NOX4: variants seen among roughly 807,000 people sequenced by gnomAD.
NOX4 encodes the protein NADPH oxidase 4, also known as kidney oxidase-1.
Under a neutral mutation model 87.6 loss-of-function variants are expected in NOX4, and 69 were observed. The ratio of observed to expected loss-of-function variants is 0.79; its 90% CI spans 0.65 to 0.96. The LOEUF is 0.96. Ranked by LOEUF, NOX4 falls within the 40% of genes least tolerant of loss-of-function variation. The probability of loss-of-function intolerance (pLI) is 0.00; values close to 1 mark genes in which losing one functional copy is unlikely to be tolerated. For synonymous variants in NOX4, 275 were observed against 238.2 expected, an observed-to-expected ratio of 1.15 and a Z score of -1.42; for missense variants, 680 against 681.5, an observed-to-expected ratio of 1.00 and a Z score of 0.02.
chr11:89,581,446 A>C, the NOX4 span, among the ~76,000 whole-genome samples: 5 of 152,274 alleles, frequency 3.3e-5, no homozygotes, highest in Admixed American at 3.3e-4. Context: ...AAGAACTATA[A>C]ATGCTTATTA....
At chr11:89,399,445 ATAT>A (rs1941691760) in intron 11 of NOX4, among the ~76,000 whole-genome samples, 13 of 133,118 alleles carry the variant, frequency 9.8e-5, no homozygotes, top group Non-Finnish European at 1.4e-4. Context: ...ATATATATAT[ATAT>A]ATATATATAT....
At chr11:89,473,012 T>A in intron 2 of NOX4, among the ~76,000 whole-genome samples, 1 of 152,178 alleles carries the variant, frequency 6.6e-6, no homozygotes, top group Non-Finnish European at 1.5e-5. Context: ...AGGTTTGACC[T>A]CTTTGGCTGA....
intron 6 of NOX4, among the ~76,000 whole-genome samples, chr11:89,439,758 G>C (rs992845925): frequency 5.3e-5 from 8 of 152,006 alleles, no homozygotes; most frequent in African/African-American, 1.7e-4. Flanking sequence ...TTAACATCAG[G>C]GGAAATTTTG....
the NOX4 span, among the ~76,000 whole-genome samples, chr11:89,561,019 TACATACACACACACATACAC>T: frequency 2.9e-5 from 3 of 102,234 alleles, no homozygotes; most frequent in African/African-American, 1.3e-4. Flanking sequence ...TATATATATA[TACATACACACACACATACAC>T]ATATATCATA....
At chr11:89,524,997 T>C in the NOX4 span, among the ~76,000 whole-genome samples, 1 of 152,140 alleles carries the variant, frequency 6.6e-6, no homozygotes, top group Admixed American at 6.5e-5. Context: ...ATTTCAAGAT[T>C]AATACAAACT....
chr11:89,455,481 T>A (rs999120208), intron 2 of NOX4, among the ~76,000 whole-genome samples: 18 of 152,058 alleles, frequency 1.2e-4, no homozygotes, highest in African/African-American at 4.1e-4. Context: ...ACAGTGGTAG[T>A]TTTCAGTAAA....
intron 11 of NOX4, among the ~76,000 whole-genome samples, chr11:89,373,799 T>C (rs954642035): frequency 3.3e-5 from 5 of 152,060 alleles, no homozygotes; most frequent in Non-Finnish European, 7.4e-5. Context: ...AGTTAAAATA[T>C]ATATAAGAAA....
chr11:89,487,458 T>C (rs946677801), intron 2 of NOX4, among the ~76,000 whole-genome samples: 3 of 152,050 alleles, frequency 2.0e-5, no homozygotes. Flanking sequence ...ACAACTTTGT[T>C]ATTACCTTAC....
chr11:89,439,765 T>G (rs1180322314), intron 6 of NOX4, among the ~76,000 whole-genome samples: 1 of 152,158 alleles, frequency 6.6e-6, no homozygotes, highest in Non-Finnish European at 1.5e-5. Flanking sequence ...CAGGGGAAAT[T>G]TTGAGATGTT....
At chr11:89,382,667 C>T (rs373412742) in intron 11 of NOX4, among the ~76,000 whole-genome samples, 1 of 152,032 alleles carries the variant, frequency 6.6e-6, no homozygotes, top group East Asian at 1.9e-4. Flanking sequence ...CCCTGCCAGG[C>T]TGAATCAGGC....
intron 6 of NOX4, among the ~76,000 whole-genome samples, chr11:89,438,547 A>G (rs1944219547): frequency 1.1e-5 from 1 of 89,418 alleles, no homozygotes; most frequent in South Asian, 3.4e-4. Flanking sequence ...ACTATATATA[A>G]TAATATACTA....
chr11:89,490,729 T>C (rs1451586382), intron 1 of NOX4, 176 bp from the exon 2 acceptor site: 2 of 704,006 alleles, frequency 2.8e-6, no homozygotes, highest in Non-Finnish European at 2.6e-6. Context: ...GGAAAACAAA[T>C]CTGACTTTAC....
At chr11:89,389,711 T>G (rs1940989757) in intron 11 of NOX4, among the ~76,000 whole-genome samples, 1 of 152,112 alleles carries the variant, frequency 6.6e-6, no homozygotes, top group African/African-American at 2.4e-5. Flanking sequence ...GTAAGAGCAG[T>G]GTTAGCAATA....
At chr11:89,366,966 AC>A (rs1939049309) in intron 12 of NOX4, among the ~76,000 whole-genome samples, 1 of 152,146 alleles carries the variant, frequency 6.6e-6, no homozygotes, top group Non-Finnish European at 1.5e-5. Flanking sequence ...ATGGATGGGC[AC>A]TTAAATTGTA....
the NOX4 span, among the ~76,000 whole-genome samples, chr11:89,587,005 T>G: frequency 6.6e-6 from 1 of 152,142 alleles, no homozygotes; most frequent in African/African-American, 2.4e-5. Flanking sequence ...AGATTTTATT[T>G]AGTTTTATGT....
chr11:89,403,683 G>A (rs1482049630), intron 8 of NOX4, among the ~76,000 whole-genome samples: 7 of 151,900 alleles, frequency 4.6e-5, no homozygotes, highest in African/African-American at 9.7e-5. Flanking sequence ...CGGAGGTTGC[G>A]GTGACCCTGA....
At chr11:89,353,001 G>C (rs973470206) in intron 13 of NOX4, among the ~76,000 whole-genome samples, 2 of 152,126 alleles carry the variant, frequency 1.3e-5, no homozygotes, top group Non-Finnish European at 2.9e-5. Context: ...TGTATTTTTA[G>C]TAGAGATGGG....
At chr11:89,507,214 G>A in the NOX4 span, among the ~76,000 whole-genome samples, 2 of 151,744 alleles carry the variant, frequency 1.3e-5, no homozygotes, top group African/African-American at 4.8e-5. Flanking sequence ...TAGTAGGGAT[G>A]GATACGTGCA....
intron 2 of NOX4, among the ~76,000 whole-genome samples, chr11:89,482,228 G>T (rs946825389): frequency 6.6e-6 from 1 of 151,884 alleles, no homozygotes; most frequent in African/African-American, 2.4e-5. Flanking sequence ...TGTCATTCTG[G>T]AATGCTAGTG....
Sources: gnomAD v4.1 joint callset for allele counts (sites outside exome capture counted in the v4.1 genomes callset) on GRCh38, gnomAD v4.1.1 for gene constraint, MANE v1.5 for transcripts, NCBI Gene and HGNC (gene_info 2026-07-23, HGNC 2026-07-21) for gene names.